Variants in PARVB observed in about 807,000 individuals in gnomAD.
PARVB encodes the protein beta-parvin.
Under a neutral mutation model 47.0 loss-of-function variants are expected in PARVB, and 46 were observed. The ratio of observed to expected loss-of-function variants is 0.98; its 90% confidence interval spans 0.77 to 1.25. The LOEUF (loss-of-function observed/expected upper bound fraction) is 1.25, where lower values mean the gene tolerates loss of function less well. Among genes scored for constraint, PARVB ranks in the 50% most tolerant of loss-of-function variants. The pLI is 0.00. For missense variants in PARVB, 473 were observed against 471.6 expected, an observed-to-expected ratio of 1.00 and a Z score of -0.03; for synonymous variants, 196 against 196.3, an observed-to-expected ratio of 1.00 and a Z score of 0.01.
intron 1 of PARVB, among the ~76,000 whole-genome samples, chr22:44,065,080 C>G (rs1445255681): frequency 6.6e-6 from 1 of 152,184 alleles, no homozygotes; most frequent in Non-Finnish European, 1.5e-5. Context: ...GGGGCCAGCC[C>G]AGCCTGCCCC....
At chr22:44,053,758 G>C (rs1325051333) in intron 1 of PARVB, among the ~76,000 whole-genome samples, 1 of 152,172 alleles carries the variant, frequency 6.6e-6, no homozygotes, top group African/African-American at 2.4e-5. Flanking sequence ...TAATTTGCTA[G>C]GGTGACTCAC....
chr22:44,082,584 A>G (rs1399451025), intron 1 of PARVB, among the ~76,000 whole-genome samples: 6 of 152,146 alleles, frequency 3.9e-5, no homozygotes, highest in Non-Finnish European at 7.3e-5. Flanking sequence ...AGTCTGAGAA[A>G]CCAATCAGAT....
intron 3 of PARVB, among the ~76,000 whole-genome samples, chr22:44,118,191 G>A (rs554815311): frequency 6.6e-6 from 1 of 152,330 alleles, no homozygotes; most frequent in South Asian, 2.1e-4. Flanking sequence ...GAAACAAAAT[G>A]TGGTCCCCCA....
intron 2 of PARVB, among the ~76,000 whole-genome samples, chr22:44,008,187 G>C (rs922629502): frequency 6.6e-6 from 1 of 151,928 alleles, no homozygotes; most frequent in Non-Finnish European, 1.5e-5. Context: ...TGCAACCTCC[G>C]CCTCCCAGGT....
chr22:44,073,501 A>G (rs2051699884), intron 1 of PARVB, among the ~76,000 whole-genome samples: 1 of 152,202 alleles, frequency 6.6e-6, no homozygotes, highest in African/African-American at 2.4e-5. Context: ...CTCAAAAAAA[A>G]GAAGTGAATG....
chr22:44,100,895 T>C (rs1174002091), intron 3 of PARVB, among the ~76,000 whole-genome samples: 5 of 152,142 alleles, frequency 3.3e-5, no homozygotes, highest in Non-Finnish European at 5.9e-5. Context: ...GGCAGACACT[T>C]GGCTTCCATA....
At chr22:44,160,065 C>T (rs1313419992) in intron 11 of PARVB, among the ~76,000 whole-genome samples, 4 of 152,244 alleles carry the variant, frequency 2.6e-5, no homozygotes, top group African/African-American at 7.2e-5. Flanking sequence ...CCTGTAGGCT[C>T]GTGCCCCATG....
At chr22:44,057,762 G>A (rs1050819403) in intron 1 of PARVB, among the ~76,000 whole-genome samples, 1 of 152,114 alleles carries the variant, frequency 6.6e-6, no homozygotes, top group African/African-American at 2.4e-5. Flanking sequence ...TGGAAGAGGA[G>A]GGAGAGGAGA....
At chr22:44,048,325 C>CAAAAGAT (rs1259663744) in intron 1 of PARVB, among the ~76,000 whole-genome samples, 2 of 152,080 alleles carry the variant, frequency 1.3e-5, no homozygotes, top group Admixed American at 1.3e-4. Context: ...CACTCATGAC[C>CAAAAGAT]ATGTGGACAT....
At chr22:44,003,472 A>G (rs972742119) in intron 2 of PARVB, among the ~76,000 whole-genome samples, 1 of 152,142 alleles carries the variant, frequency 6.6e-6, no homozygotes, top group Non-Finnish European at 1.5e-5. Flanking sequence ...GATGTTCTGT[A>G]TCTAGTAAAG....
At chr22:44,094,374 G>GCCACA (rs2052248095) in intron 2 of PARVB, among the ~76,000 whole-genome samples, 1 of 151,958 alleles carries the variant, frequency 6.6e-6, no homozygotes, top group Non-Finnish European at 1.5e-5. Flanking sequence ...GCCACGCCAC[G>GCCACA]CCACACCATG....
intron 1 of PARVB, among the ~76,000 whole-genome samples, chr22:44,059,592 G>A (rs778024929): frequency 2.0e-5 from 3 of 152,108 alleles, no homozygotes; most frequent in East Asian, 1.9e-4. Flanking sequence ...CATCAGCCTC[G>A]AGAAGTAGAA....
At chr22:44,096,011 G>A (rs936423375) in intron 2 of PARVB, among the ~76,000 whole-genome samples, 5 of 152,122 alleles carry the variant, frequency 3.3e-5, no homozygotes, top group African/African-American at 9.7e-5. Flanking sequence ...ATCACCTGAC[G>A]TCAGGAGTTC....
chr22:44,055,986 C>T (rs1304874642), intron 1 of PARVB, among the ~76,000 whole-genome samples: 1 of 152,192 alleles, frequency 6.6e-6, no homozygotes, highest in East Asian at 1.9e-4. Context: ...TAATGGTTAG[C>T]CAAGCACCAG....
intron 1 of PARVB, among the ~76,000 whole-genome samples, chr22:44,061,168 C>T (rs2051411429): frequency 6.6e-6 from 1 of 152,124 alleles, no homozygotes; most frequent in East Asian, 1.9e-4. Flanking sequence ...GTGACTCATG[C>T]CTGTAATCCC....
intron 1 of PARVB, among the ~76,000 whole-genome samples, chr22:44,093,102 C>G (rs933660923): frequency 2.0e-5 from 3 of 152,200 alleles, no homozygotes; most frequent in Admixed American, 6.5e-5. Flanking sequence ...TCGAGTCTTA[C>G]ATGCAGCAGA....
intron 1 of PARVB, among the ~76,000 whole-genome samples, chr22:44,050,894 TGAA>T (rs759465012): frequency 9.9e-5 from 15 of 152,098 alleles, no homozygotes; most frequent in Non-Finnish European, 1.9e-4. Context: ...ACCAGGAGCT[TGAA>T]GGAGGAGAAG....
chr22:44,164,880 G>A (rs1324491130), intron 12 of PARVB, among the ~76,000 whole-genome samples: 1 of 152,298 alleles, frequency 6.6e-6, no homozygotes, highest in African/African-American at 2.4e-5. Context: ...TGCAGCCACC[G>A]CTTCCTGCCA....
intron 3 of PARVB, chr22:44,111,765 T>A (rs954099900): frequency 1.3e-5 from 2 of 151,766 alleles, no homozygotes; most frequent in East Asian, 3.9e-4. Flanking sequence ...TTTAAAGCCA[T>A]GAGCCAAAAA....
Sources: allele counts gnomAD v4.1 joint callset (sites outside exome capture counted in the v4.1 genomes callset), GRCh38; gene constraint gnomAD v4.1.1; transcripts MANE v1.5; gene names NCBI Gene and HGNC (gene_info 2026-07-23, HGNC 2026-07-21).